The following APLP2 variants were observed in gnomAD, a reference collection of about 807,000 sequenced individuals.
APLP2 encodes amyloid beta precursor like protein 2, also known as CDEI box-binding protein.
A neutral mutation model predicts 89.9 loss-of-function variants in APLP2; 53 were observed. The ratio of observed to expected loss-of-function variants is 0.59; its 90% CI spans 0.47 to 0.74. The LOEUF (loss-of-function observed/expected upper bound fraction) is 0.74, where lower values mean the gene tolerates loss of function less well. Among genes scored for constraint, APLP2 ranks in the 30% least tolerant of loss-of-function variants. APLP2 has a pLI of 0.00. For synonymous variants in APLP2, 372 were observed against 348.6 expected, an observed-to-expected ratio of 1.07 and a Z score of -0.75; for missense variants, 973 against 975.9, an observed-to-expected ratio of 1.00 and a Z score of 0.04.
chr11:130,074,439 C>T (rs2135326673), intron 1 of APLP2, among the ~76,000 whole-genome samples: 1 of 152,304 alleles, frequency 6.6e-6, no homozygotes, highest in African/African-American at 2.4e-5. Context: ...TGGTTCCAAA[C>T]TTCTGACCTT....
At chr11:130,093,253 A>G (rs1384193823) in intron 1 of APLP2, among the ~76,000 whole-genome samples, 2 of 152,172 alleles carry the variant, frequency 1.3e-5, no homozygotes, top group Non-Finnish European at 2.9e-5. Flanking sequence ...CCCTTCTTAA[A>G]TGTGAATTAG....
At chr11:130,116,810 C>G (rs1301562921) in intron 3 of APLP2, among the ~76,000 whole-genome samples, 3 of 152,120 alleles carry the variant, frequency 2.0e-5, no homozygotes, top group Non-Finnish European at 2.9e-5. Flanking sequence ...ATTGTTGAAT[C>G]AAAGAGTACT....
intron 3 of APLP2, among the ~76,000 whole-genome samples, chr11:130,112,354 G>T (rs1948689432): frequency 6.6e-6 from 1 of 152,054 alleles, no homozygotes; most frequent in Non-Finnish European, 1.5e-5. Flanking sequence ...TTTGAAAATC[G>T]CTGAAAAAGA....
intron 1 of APLP2, among the ~76,000 whole-genome samples, chr11:130,095,968 A>G (rs772571458): frequency 1.3e-5 from 2 of 151,126 alleles, no homozygotes; most frequent in Non-Finnish European, 3.0e-5. Context: ...GTCACATTCT[A>G]GTGATGGGAG....
At position 130,141,754 on chromosome 11, in the gene APLP2, G is replaced by GT. The variant is rs543490274; in HGVS notation, c.1999-164dup. 4.8e-5 allele frequency: 45 copies of GT among 945,214 alleles called. No homozygotes were observed. In the African/African-American group the frequency reaches 7.5e-4, roughly 16 times the overall value. 58.6% of individuals were successfully genotyped at this position (945,214 alleles called of 1,614,324 possible). ...AAAATCTCCATGGAGATTGGGAAGAGTGGGCGTTCTCCACCTGTGGGTGGT... is the reference window on the plus strand; with the variant it reads ...AAAATCTCCATGGAGATTGGGAAGAGTTGGGCGTTCTCCACCTGTGGGTGGT... On this transcript the variant is annotated intron_variant, in intron 15 of 16. Coordinates refer to ENST00000338167, the MANE Select transcript of APLP2 (RefSeq NM_001142276.2). This position sits in a 1 kb window ranked among gnomAD's most constrained non-coding sequence, Gnocchi z 4.2.
At chr11:130,070,700 A>G in intron 1 of APLP2, 1 of 1,476,912 alleles carries the variant, frequency 6.8e-7, no homozygotes, top group Non-Finnish European at 8.9e-7. Context: ...CGCATTTTTT[A>G]AGTGGCGCTG....
intron 1 of APLP2, among the ~76,000 whole-genome samples, chr11:130,106,878 G>A (rs554155808): frequency 2.4e-4 from 37 of 151,870 alleles, no homozygotes; most frequent in African/African-American, 8.7e-4. Flanking sequence ...TAGTAGGGAC[G>A]GGGTTTTGCC....
chr11:130,091,839 C>G (rs1239803695), intron 1 of APLP2, among the ~76,000 whole-genome samples: 1 of 148,780 alleles, frequency 6.7e-6, no homozygotes, highest in Non-Finnish European at 1.5e-5. Flanking sequence ...CCACCTCCCT[C>G]CCGGACGGGG....
At chr11:130,126,945 TG>T (rs1479752111) in intron 8 of APLP2, 115 bp downstream of exon 8, 5 of 1,447,244 alleles carry the variant, frequency 3.5e-6, no homozygotes, top group Non-Finnish European at 4.8e-6. Flanking sequence ...GTATAAGGAC[TG>T]GTGAGTCAGG....
At position 130,143,532 on chromosome 11, in the gene APLP2, C is replaced by G. The variant is rs546472183; in HGVS notation, c.*84C>G. The G allele has an allele frequency of 8.3e-7, 1 of 1,201,476 alleles. No individual in the cohort carries two copies. Among genetic ancestry groups the G allele is most frequent in the East Asian group, 2.3e-5 (1 of 42,594 alleles). 74.4% of individuals were successfully genotyped at this position (1,201,476 alleles called of 1,614,324 possible). The stretch of plus-strand genomic sequence containing the variant: ...ATTCCGATCGACTGCCAAGCAGCAG[C>G]CGCTGCCAGGGGCTGCGTCTGACAT... On this transcript the variant is annotated 3_prime_UTR_variant, in exon 17 of 17. Coordinates refer to ENST00000338167, the MANE Select transcript of APLP2 (RefSeq NM_001142276.2).
intron 7 of APLP2, among the ~76,000 whole-genome samples, chr11:130,126,457 C>G (rs1208797214): frequency 6.6e-6 from 1 of 152,222 alleles, no homozygotes; most frequent in East Asian, 1.9e-4. Context: ...AGATGCCTCA[C>G]TGGTGCTGAA....
At chr11:130,097,285 TTCTC>T (rs1430889428) in intron 1 of APLP2, among the ~76,000 whole-genome samples, 1 of 152,232 alleles carries the variant, frequency 6.6e-6, no homozygotes, top group Non-Finnish European at 1.5e-5. Flanking sequence ...AGTGTAAAGT[TTCTC>T]TCTCCCTGCC....
At chr11:130,138,281 CA>C (rs1951873163) in intron 13 of APLP2, among the ~76,000 whole-genome samples, 1 of 152,192 alleles carries the variant, frequency 6.6e-6, no homozygotes, top group Non-Finnish European at 1.5e-5. Context: ...TCTCAGAACA[CA>C]AAAGTGTGAT....
At chr11:130,125,899 G>A (rs987267211) in intron 7 of APLP2, among the ~76,000 whole-genome samples, 1 of 152,172 alleles carries the variant, frequency 6.6e-6, no homozygotes, top group Non-Finnish European at 1.5e-5. Flanking sequence ...ATTCCATCGT[G>A]CAGAGACTTG....
At chr11:130,101,396 C>T (rs1407877561) in intron 1 of APLP2, 1 of 151,962 alleles carries the variant, frequency 6.6e-6, no homozygotes, top group Non-Finnish European at 1.5e-5. Flanking sequence ...CCGTGTTAGC[C>T]AGGATGGTCT....
intron 1 of APLP2, among the ~76,000 whole-genome samples, chr11:130,083,948 A>G (rs1261164136): frequency 6.6e-6 from 1 of 152,190 alleles, no homozygotes; most frequent in Non-Finnish European, 1.5e-5. Flanking sequence ...AGCGGCATAC[A>G]GGAGTTCCGA....
chr11:130,107,417 A>G (rs990233550), intron 1 of APLP2, among the ~76,000 whole-genome samples: 11 of 149,640 alleles, frequency 7.4e-5, no homozygotes, highest in African/African-American at 2.8e-4. Context: ...ATTCCTATAC[A>G]CCAATAACAG....
chr11:130,139,605 C>T (rs936946908), intron 13 of APLP2: 3 of 152,254 alleles, frequency 2.0e-5, no homozygotes, highest in Non-Finnish European at 2.9e-5. Flanking sequence ...TGGATACTAT[C>T]CTTCGGAGCG....
intron 1 of APLP2, among the ~76,000 whole-genome samples, chr11:130,085,629 G>A (rs1943991444): frequency 6.6e-6 from 1 of 152,156 alleles, no homozygotes; most frequent in East Asian, 1.9e-4. Flanking sequence ...GTTTTTAAGT[G>A]TACAATTCGG....
Sources: gnomAD v4.1 joint callset for allele counts (sites outside exome capture counted in the v4.1 genomes callset) on GRCh38, gnomAD v4.1.1 for gene constraint, Gnocchi (gnomAD v3.1) non-coding constraint, MANE v1.5 for transcripts, NCBI Gene and HGNC (gene_info 2026-07-23, HGNC 2026-07-21) for gene names.